Variants in THADA observed in about 807,000 individuals in gnomAD.
THADA encodes the protein tRNA (32-2'-O)-methyltransferase regulator THADA.
A neutral mutation model predicts 219.8 loss-of-function variants in THADA; 213 were observed. That is an observed-to-expected ratio of 0.97 (90% CI 0.87 to 1.09). THADA has a LOEUF of 1.09. Ranked by LOEUF, THADA falls within the 50% of genes least tolerant of loss-of-function variation. The pLI is 0.00. For missense variants in THADA, 2,956 were observed against 2,311.3 expected, an observed-to-expected ratio of 1.28 and a Z score of -5.72; for synonymous variants, 1,018 against 828.9, an observed-to-expected ratio of 1.23 and a Z score of -3.92.
At chr2:43,392,228 G>A (rs1478185157) in intron 29 of THADA, among the ~76,000 whole-genome samples, 1 of 152,092 alleles carries the variant, frequency 6.6e-6, no homozygotes, top group Non-Finnish European at 1.5e-5. Context: ...AAAGCACTAA[G>A]ACATTGACTC....
At chr2:43,514,538 A>T (rs959172204) in intron 22 of THADA, among the ~76,000 whole-genome samples, 8 of 132,914 alleles carry the variant, frequency 6.0e-5, no homozygotes, top group African/African-American at 2.3e-4. Flanking sequence ...CATAATATGT[A>T]TATTTTATAC....
At chr2:43,495,677 G>A (rs1009749885) in intron 25 of THADA, among the ~76,000 whole-genome samples, 2 of 152,114 alleles carry the variant, frequency 1.3e-5, no homozygotes, top group African/African-American at 4.8e-5. Context: ...TAAAAAGTTG[G>A]ACGAATCACC....
intron 26 of THADA, among the ~76,000 whole-genome samples, chr2:43,473,767 C>CCA (rs1346380838): frequency 5.3e-5 from 8 of 152,178 alleles, no homozygotes; most frequent in African/African-American, 1.7e-4. Context: ...TGCCACCACA[C>CCA]CCAGCTAATT....
intron 36 of THADA, among the ~76,000 whole-genome samples, chr2:43,250,770 G>A (rs1669731897): frequency 3.9e-5 from 6 of 152,136 alleles, no homozygotes; most frequent in Admixed American, 3.9e-4. Context: ...TGGGGATGGA[G>A]CAGGATAGTG....
Position 43,388,390 on chromosome 2 carries a change from G to A in THADA, c.4227+9581C>T, listed in dbSNP as rs144439571. ...TCAGACAGTAAGAGTGGAATGGCTC[G>A]CAGGGGATGGAAAGCATATCTTCCA... On this transcript the variant is annotated intron_variant, in intron 29 of 37. Transcript: ENST00000405975. Among the ~76,000 whole-genome samples, 107 of 152,202 alleles carry A rather than the reference G, an allele frequency of 7.0e-4. No individual in the cohort carries two copies. In the East Asian group the frequency reaches 0.016, roughly 23 times the overall value.
chr2:43,566,869 G>A lies in THADA; in HGVS notation c.2188-48C>T, dbSNP rs577995404. 3.0e-6 allele frequency: 4 copies of A among 1,324,270 alleles called. No homozygotes were observed. In the South Asian group the frequency reaches 7.1e-5, roughly 23 times the overall value. The allele number at this position is 1,324,270 out of a possible 1,614,324, so 82.0% of individuals were successfully genotyped here. A position where few individuals can be genotyped will look rare whatever the true frequency, so the allele number is the denominator to read the frequency against. ...CAGTAAGTATAATTACGTCACAATA[G>A]GTTATATTCAGAGTATTAAACACCC... On this transcript the variant is annotated intron_variant, in intron 14 of 37. Transcript: ENST00000405975.
intron 36 of THADA, among the ~76,000 whole-genome samples, chr2:43,255,062 G>C (rs1670169140): frequency 6.6e-6 from 1 of 152,174 alleles, no homozygotes; most frequent in Admixed American, 6.5e-5. Flanking sequence ...TAGTAAGTTT[G>C]GGAAATTCTG....
At position 43,405,023 on chromosome 2, in the gene THADA, G is replaced by C. The variant is rs369230039; in HGVS notation, c.4059-6884C>G. 9.8e-5 allele frequency among the ~76,000 whole-genome samples: 15 copies of C among 152,308 alleles called. 1 individual carries two copies. The highest frequency in any genetic ancestry group is 3.6e-4 in the African/African-American group (15 of 41,552). On this transcript the variant is annotated intron_variant, in intron 28 of 37. Transcript: ENST00000405975. ...GTCTCAACAACTGGCTGAGGAAACA[G>C]AGCCTGGCCTGTACCAAACAGGCTC...
chr2:43,471,939 A>G (rs962461174), intron 26 of THADA, among the ~76,000 whole-genome samples: 20 of 152,258 alleles, frequency 1.3e-4, no homozygotes, highest in Non-Finnish European at 2.4e-4. Flanking sequence ...TGAAGATATT[A>G]GATCATGCAC....
intron 19 of THADA, among the ~76,000 whole-genome samples, chr2:43,551,171 G>C (rs1574217294): frequency 6.6e-6 from 1 of 152,124 alleles, no homozygotes; most frequent in African/African-American, 2.4e-5. Flanking sequence ...GATACAGTCA[G>C]TTTTTCTAAT....
intron 31 of THADA, among the ~76,000 whole-genome samples, chr2:43,301,910 A>G (rs1676307927): frequency 6.6e-6 from 1 of 152,202 alleles, no homozygotes; most frequent in Non-Finnish European, 1.5e-5. Context: ...AGTCTAGATG[A>G]ACACGTGGTA....
intron 36 of THADA, among the ~76,000 whole-genome samples, chr2:43,252,570 CACG>C (rs1324305622): frequency 2.0e-5 from 3 of 152,162 alleles, no homozygotes; most frequent in Non-Finnish European, 4.4e-5. Context: ...ATATTCCTAA[CACG>C]ACTGTTTAAC....
intron 11 of THADA, among the ~76,000 whole-genome samples, chr2:43,574,027 A>T (rs1699575518): frequency 7.0e-6 from 1 of 142,968 alleles, no homozygotes; most frequent in African/African-American, 2.7e-5. Flanking sequence ...AAGACACACA[A>T]ACTTTTATTT....
intron 17 of THADA, 129 bp from the exon 18 acceptor site, chr2:43,552,468 AAG>A: frequency 9.7e-7 from 1 of 1,029,226 alleles, no homozygotes; most frequent in Non-Finnish European, 1.4e-6. Context: ...TTTAATCAAA[AAG>A]AGATCTTTCA....
At chr2:43,337,694 T>C (rs972901109) in intron 30 of THADA, among the ~76,000 whole-genome samples, 1 of 146,296 alleles carries the variant, frequency 6.8e-6, no homozygotes, top group Non-Finnish European at 1.5e-5. Flanking sequence ...CACACACTCA[T>C]ACACACACAC....
chr2:43,431,822 G>A (rs1395756182), intron 26 of THADA, among the ~76,000 whole-genome samples: 4 of 52,962 alleles, frequency 7.6e-5, no homozygotes, highest in Non-Finnish European at 1.3e-4. Context: ...CCGCCACCAC[G>A]CCCGGATAAT....
intron 29 of THADA, among the ~76,000 whole-genome samples, chr2:43,347,181 A>G (rs776759151): frequency 2.6e-5 from 4 of 152,232 alleles, no homozygotes; most frequent in Non-Finnish European, 5.9e-5. Context: ...GGTGTAAACC[A>G]GTTATCAGTT....
At chr2:43,326,501 A>G (rs1035238912) in intron 30 of THADA, among the ~76,000 whole-genome samples, 35 of 152,302 alleles carry the variant, frequency 2.3e-4, no homozygotes, top group Admixed American at 7.2e-4. Flanking sequence ...CCACATTTAC[A>G]TGGCTTAATG....
At chr2:43,386,940 T>C (rs1046982105) in intron 29 of THADA, among the ~76,000 whole-genome samples, 3 of 151,632 alleles carry the variant, frequency 2.0e-5, no homozygotes, top group Admixed American at 2.0e-4. Context: ...CCGTCATGTA[T>C]GTTCAGTACC....
Sources: allele counts gnomAD v4.1 joint callset (sites outside exome capture counted in the v4.1 genomes callset), GRCh38; gene constraint gnomAD v4.1.1; transcripts MANE v1.5; gene names NCBI Gene and HGNC (gene_info 2026-07-23, HGNC 2026-07-21).